The following DNAH7 variants were observed in gnomAD, a reference collection of about 807,000 sequenced individuals.
DNAH7 encodes the protein axonemal beta dynein heavy chain 7.
Under a neutral mutation model 444.6 loss-of-function variants are expected in DNAH7, and 397 were observed. The ratio of observed to expected loss-of-function variants is 0.89; its 90% CI spans 0.82 to 0.97. DNAH7 has a LOEUF of 0.97. DNAH7 is among the 50% of genes least tolerant of loss of function. The pLI, the probability that DNAH7 is intolerant of heterozygous loss-of-function variation, is 0.00. For synonymous variants in DNAH7, 1,636 were observed against 1,624.4 expected (o/e 1.01, Z -0.17); for missense variants, 4,902 against 4,800.8 (o/e 1.02, Z -0.62).
chr2:196,018,243 G>C (rs947206316), intron 9 of DNAH7, among the ~76,000 whole-genome samples: 6 of 152,166 alleles, frequency 3.9e-5, no homozygotes, highest in Non-Finnish European at 7.4e-5. Flanking sequence ...TGATGATATA[G>C]CATTTTACAT....
At chr2:196,008,842 G>A (rs2125711141) in intron 10 of DNAH7, among the ~76,000 whole-genome samples, 1 of 152,312 alleles carries the variant, frequency 6.6e-6, no homozygotes, top group East Asian at 1.9e-4. Context: ...CCATTCTTGT[G>A]TTGCTATAAA....
chr2:195,841,471 A>G (rs1698679834), intron 47 of DNAH7, among the ~76,000 whole-genome samples: 1 of 151,970 alleles, frequency 6.6e-6, no homozygotes, highest in Admixed American at 6.6e-5. Flanking sequence ...AGAATAACAT[A>G]TTAGATGAAT....
intron 58 of DNAH7, among the ~76,000 whole-genome samples, chr2:195,783,869 C>G (rs536076197): frequency 6.6e-6 from 1 of 152,074 alleles, no homozygotes; most frequent in East Asian, 1.9e-4. Flanking sequence ...CATGGCATAA[C>G]GTTCCAAATC....
intron 5 of DNAH7, among the ~76,000 whole-genome samples, chr2:196,042,350 A>C (rs1431680749): frequency 6.6e-6 from 1 of 152,056 alleles, no homozygotes; most frequent in Non-Finnish European, 1.5e-5. Flanking sequence ...TTGATTGTAG[A>C]CATATATTGA....
At chr2:195,771,589 C>T in intron 61 of DNAH7, 71 bp downstream of exon 61, 1 of 1,146,574 alleles carries the variant, frequency 8.7e-7, no homozygotes, top group Non-Finnish European at 1.3e-6. Flanking sequence ...TTGTGCTAAA[C>T]AAGTATTTGC....
At chr2:195,892,946 TTTTTTTC>T (rs1702100041) in intron 30 of DNAH7, 1 of 151,992 alleles carries the variant, frequency 6.6e-6, no homozygotes, top group Admixed American at 6.6e-5. Flanking sequence ...TATTAACCTT[TTTTTTTC>T]TTTTTTCTTT....
At chr2:195,827,443 A>T (rs919058565) in intron 48 of DNAH7, among the ~76,000 whole-genome samples, 1 of 151,346 alleles carries the variant, frequency 6.6e-6, no homozygotes, top group African/African-American at 2.4e-5. Context: ...ACACCCAGCT[A>T]ATTTTTTGTG....
chr2:195,770,913 A>C (rs746252993), intron 61 of DNAH7, among the ~76,000 whole-genome samples: 24 of 151,414 alleles, frequency 1.6e-4, no homozygotes, highest in Non-Finnish European at 3.2e-4. Context: ...TGTGTTGCCA[A>C]GGAAGTTCTC....
intron 28 of DNAH7, among the ~76,000 whole-genome samples, chr2:195,898,451 CGT>C (rs1473451737): frequency 2.0e-5 from 3 of 152,166 alleles, no homozygotes; most frequent in Non-Finnish European, 2.9e-5. Context: ...AGCATTTCAT[CGT>C]TATTGAATCT....
chr2:195,901,634 G>A (rs1260328804), intron 27 of DNAH7: 2 of 152,082 alleles, frequency 1.3e-5, no homozygotes, highest in African/African-American at 2.4e-5. Flanking sequence ...CTTCAAGCGA[G>A]GCTCTACAGG....
At chr2:195,988,680 T>C (rs1480632801) in intron 12 of DNAH7, among the ~76,000 whole-genome samples, 1 of 152,140 alleles carries the variant, frequency 6.6e-6, no homozygotes, top group Non-Finnish European at 1.5e-5. Flanking sequence ...CATTTCTTTG[T>C]AGTAAAAATA....
Position 195,778,030 on chromosome 2 carries a change from T to C in DNAH7, c.10879-45A>G, listed in dbSNP as rs191041328. On this transcript the variant is annotated intron_variant, in intron 58 of 64. Coordinates refer to ENST00000312428, the MANE Select transcript of DNAH7 (RefSeq NM_018897.3). The stretch of plus-strand genomic sequence containing the variant: ...TCAACCAGTTATCAGTAGCATGTTA[T>C]ACAGAATCGTGTTTCTTGTTTTTTC... 3.2e-4 allele frequency: 463 copies of C among 1,469,484 alleles called. 1 individual carries two copies. The highest frequency in any genetic ancestry group is 2.4e-3 in the Middle Eastern group (13 of 5,508). The allele number at this position is 1,469,484 out of a possible 1,614,324, so 91.0% of individuals were successfully genotyped here.
intron 19 of DNAH7, among the ~76,000 whole-genome samples, chr2:195,942,685 C>T (rs1053583947): frequency 7.9e-5 from 12 of 152,054 alleles, no homozygotes; most frequent in Non-Finnish European, 1.3e-4. Context: ...TACTAGATTT[C>T]ATCTAGAAAA....
At chr2:195,874,420 G>C (rs925707311) in intron 38 of DNAH7, among the ~76,000 whole-genome samples, 1 of 152,064 alleles carries the variant, frequency 6.6e-6, no homozygotes, top group African/African-American at 2.4e-5. Flanking sequence ...GATATTTTTA[G>C]AAAACAGAAA....
chr2:196,046,106 T>G (rs1010381658), intron 5 of DNAH7, among the ~76,000 whole-genome samples: 18 of 150,778 alleles, frequency 1.2e-4, no homozygotes, highest in Admixed American at 9.9e-4. Context: ...AAATACTGGA[T>G]AGTATATCAC....
At chr2:196,043,435 A>C (rs1167926429) in intron 5 of DNAH7, among the ~76,000 whole-genome samples, 1 of 152,168 alleles carries the variant, frequency 6.6e-6, no homozygotes, top group African/African-American at 2.4e-5. Context: ...CAAAGACTTA[A>C]ATCTAAGATC....
At chr2:195,793,029 C>CA (rs1695961527) in intron 57 of DNAH7, among the ~76,000 whole-genome samples, 1 of 151,994 alleles carries the variant, frequency 6.6e-6, no homozygotes, top group Non-Finnish European at 1.5e-5. Flanking sequence ...TCCTGGGCTC[C>CA]AGCGATCCTC....
At chr2:195,907,146 C>A in intron 25 of DNAH7, 137 bp from the exon 26 acceptor site, 1 of 624,238 alleles carries the variant, frequency 1.6e-6, no homozygotes. Flanking sequence ...TCTTTAAAGG[C>A]AGCTGATTTT....
At chr2:195,977,871 G>C (rs1692306981) in intron 15 of DNAH7, among the ~76,000 whole-genome samples, 1 of 152,138 alleles carries the variant, frequency 6.6e-6, no homozygotes, top group Non-Finnish European at 1.5e-5. Flanking sequence ...AAAAGAACTT[G>C]TATCCTAGAA....
Sources: gnomAD v4.1 joint callset for allele counts (sites outside exome capture counted in the v4.1 genomes callset) on GRCh38, gnomAD v4.1.1 for gene constraint, MANE v1.5 for transcripts, NCBI Gene and HGNC (gene_info 2026-07-23, HGNC 2026-07-21) for gene names.